SPON1: variants seen among roughly 807,000 people sequenced by gnomAD.
The protein encoded by SPON1 is spondin-1.
In SPON1, 52 loss-of-function variants were observed where a neutral mutation model predicts 111.7. The ratio of observed to expected loss-of-function variants is 0.47; its 90% CI spans 0.37 to 0.59. The LOEUF (loss-of-function observed/expected upper bound fraction) is 0.59. SPON1 is among the 20% of genes least tolerant of loss of function. The probability of loss-of-function intolerance (pLI) is 0.00; values close to 1 mark genes in which losing one functional copy is unlikely to be tolerated. For synonymous variants in SPON1, 410 were observed against 395.8 expected, an observed-to-expected ratio of 1.04 and a Z score of -0.43; for missense variants, 957 against 1,068.5, an observed-to-expected ratio of 0.90 and a Z score of 1.46.
intron 1 of SPON1, among the ~76,000 whole-genome samples, chr11:13,979,668 T>C (rs1485884607): frequency 1.3e-5 from 2 of 152,154 alleles, no homozygotes; most frequent in Non-Finnish European, 2.9e-5. Context: ...GGACCTTTCA[T>C]CTTAGGCAGA....
chr11:14,265,298 G>A lies in SPON1; in HGVS notation c.2261-226G>A, dbSNP rs148765465. On this transcript the variant is annotated intron_variant, in intron 15 of 15. Coordinates refer to ENST00000576479, the MANE Select transcript of SPON1 (RefSeq NM_006108.4). ...GTCAAGCCCAGATTCAAGAGGTGGAGAAACAGAGTCTGCCTTTTGATGAGA... is the reference window on the plus strand; with the variant it reads ...GTCAAGCCCAGATTCAAGAGGTGGAAAAACAGAGTCTGCCTTTTGATGAGA... 3.6e-4 allele frequency among the ~76,000 whole-genome samples: 55 copies of A among 152,190 alleles called. No homozygotes were observed. The East Asian group carries it at 0.01, about 29-fold the overall frequency.
chr11:14,076,033 A>G (rs1848915151), intron 4 of SPON1, among the ~76,000 whole-genome samples: 1 of 152,184 alleles, frequency 6.6e-6, no homozygotes, highest in Admixed American at 6.5e-5. Context: ...CCAGGTTCGG[A>G]TCTGCCTCTG....
At chr11:14,087,850 T>G (rs1849018696) in intron 5 of SPON1, among the ~76,000 whole-genome samples, 1 of 152,254 alleles carries the variant, frequency 6.6e-6, no homozygotes, top group South Asian at 2.1e-4. Context: ...ATATTTAGGA[T>G]AGTTAGCTCT....
rs146351708 is a variant in SPON1, at chr11:14,235,760, T to C, written c.826-7572T>C. Among the ~76,000 whole-genome samples the C allele has an allele frequency of 4.3e-5, 6 of 138,632 alleles. No homozygotes were observed. In the East Asian group the frequency reaches 1.1e-3, roughly 25 times the overall value. The allele number at this position is 138,632 out of a possible 152,430, so 90.9% of individuals were successfully genotyped here. A position where few individuals can be genotyped will look rare whatever the true frequency, so the allele number is the denominator to read the frequency against. ...AATGGCAAATGTTATGAAGAAAAGA[T>C]AGTGGGATAAAGGAATAGGGATGCT... On this transcript the variant is annotated intron_variant, in intron 6 of 15. Coordinates refer to ENST00000576479, the MANE Select transcript of SPON1 (RefSeq NM_006108.4).
rs1366877745 is a variant in SPON1, at chr11:14,077,525, C to T, written c.553+2107C>T. On this transcript the variant is annotated intron_variant, in intron 4 of 15. Coordinates refer to ENST00000576479, the MANE Select transcript of SPON1 (RefSeq NM_006108.4). ...TCGGCTCACTGCAACCTCCAACCCC[C>T]GGGTTCAGGCGATTCTCCTGCCTCA... Among the ~76,000 whole-genome samples, 6 of 151,852 alleles carry T rather than the reference C, an allele frequency of 4.0e-5. No individual in the cohort carries two copies. In the South Asian group the frequency reaches 6.2e-4, roughly 16 times the overall value.
intron 6 of SPON1, among the ~76,000 whole-genome samples, chr11:14,229,547 C>G (rs1554938431): frequency 6.6e-6 from 1 of 152,152 alleles, no homozygotes; most frequent in African/African-American, 2.4e-5. Flanking sequence ...CATTACTATT[C>G]ACCTGGCCCT....
chr11:14,135,223 C>G lies in SPON1; in HGVS notation c.677-197C>G, dbSNP rs1847577014. On this transcript the variant is annotated intron_variant, in intron 5 of 15. Coordinates refer to ENST00000576479, the MANE Select transcript of SPON1 (RefSeq NM_006108.4). The surrounding 1 kb of genome is among the most constrained non-coding windows in gnomAD (Gnocchi z 4.4). ...GTCTTGTTCAACATCTGCTGTTGACCTGTCTGTACATTCCCAAGACCTATT... is the reference window on the plus strand; with the variant it reads ...GTCTTGTTCAACATCTGCTGTTGACGTGTCTGTACATTCCCAAGACCTATT... 1 of 510,632 alleles carries G rather than the reference C, an allele frequency of 2.0e-6. No individual in the cohort carries two copies. The highest frequency in any genetic ancestry group is 3.4e-6 in the Non-Finnish European group (1 of 294,498). The allele number at this position is 510,632 out of a possible 1,614,324, so 31.6% of individuals were successfully genotyped here.
chr11:14,041,469 C>A, intron 2 of SPON1, 52 bp from the exon 3 acceptor site: 1 of 1,599,784 alleles, frequency 6.3e-7, no homozygotes, highest in Non-Finnish European at 8.5e-7. Context: ...GAAGCTTAAG[C>A]GCCCTCTCAA....
At chr11:14,122,465 G>A (rs555381689) in intron 5 of SPON1, among the ~76,000 whole-genome samples, 1 of 152,288 alleles carries the variant, frequency 6.6e-6, no homozygotes, top group South Asian at 2.1e-4. Flanking sequence ...GAGCCACTGT[G>A]CCCGGCCTGT....
chr11:14,128,211 CAA>C lies in SPON1; in HGVS notation c.677-7207_677-7206del, dbSNP rs1847483873. On this transcript the variant is annotated intron_variant, in intron 5 of 15. Coordinates refer to ENST00000576479, the MANE Select transcript of SPON1 (RefSeq NM_006108.4). ...CAGCACTAACTCAAAAGTCCAAGTC[CAA>C]AGTCTCATCTGAGACAAGGGAAGTC... 3.3e-5 allele frequency among the ~76,000 whole-genome samples: 5 copies of C among 152,298 alleles called. No homozygotes were observed. The South Asian group carries it at 1.0e-3, about 32-fold the overall frequency.
intron 5 of SPON1, among the ~76,000 whole-genome samples, chr11:14,117,800 C>A (rs189838554): frequency 6.6e-6 from 1 of 152,302 alleles, no homozygotes; most frequent in South Asian, 2.1e-4. Context: ...GCTTTCTCAA[C>A]GACAAACTAG....
At chr11:14,088,620 CT>C (rs1849025811) in intron 5 of SPON1, among the ~76,000 whole-genome samples, 1 of 151,532 alleles carries the variant, frequency 6.6e-6, no homozygotes, top group South Asian at 2.1e-4. Context: ...TGGGGTTGTT[CT>C]TCTCGGGGAG....
At chr11:13,984,747 A>G (rs1848169538) in intron 2 of SPON1, among the ~76,000 whole-genome samples, 1 of 152,194 alleles carries the variant, frequency 6.6e-6, no homozygotes, top group Non-Finnish European at 1.5e-5. Flanking sequence ...TCTGACTCAC[A>G]GTTGTTTCTG....
chr11:14,038,335 G>T (rs950181940), intron 2 of SPON1, among the ~76,000 whole-genome samples: 1 of 152,016 alleles, frequency 6.6e-6, no homozygotes, highest in Admixed American at 6.6e-5. Flanking sequence ...CAGACGTGGT[G>T]GTGGGCACCT....
intron 1 of SPON1, among the ~76,000 whole-genome samples, chr11:13,975,847 G>C (rs1385652133): frequency 6.6e-6 from 1 of 152,034 alleles, no homozygotes; most frequent in African/African-American, 2.4e-5. Flanking sequence ...ACACATTGTT[G>C]GGTAATCAGC....
intron 5 of SPON1, among the ~76,000 whole-genome samples, chr11:14,127,734 G>A (rs955196876): frequency 3.3e-5 from 5 of 152,228 alleles, no homozygotes; most frequent in African/African-American, 4.8e-5. Flanking sequence ...GTAAAGTCTC[G>A]TGTATTAGTC....
intron 3 of SPON1, among the ~76,000 whole-genome samples, chr11:14,070,483 G>C (rs1225719011): frequency 1.3e-5 from 2 of 152,150 alleles, no homozygotes; most frequent in East Asian, 1.9e-4. Context: ...TACTTATTAC[G>C]TGCCAGGTAC....
At chr11:14,160,510 T>A (rs1847907231) in intron 6 of SPON1, among the ~76,000 whole-genome samples, 1 of 13,632 alleles carries the variant, frequency 7.3e-5, no homozygotes, top group Non-Finnish European at 1.1e-4. Flanking sequence ...TATATATATT[T>A]ATATATATAT....
chr11:14,221,307 G>A (rs1345063650), intron 6 of SPON1, among the ~76,000 whole-genome samples: 7 of 152,070 alleles, frequency 4.6e-5, no homozygotes, highest in African/African-American at 1.4e-4. Flanking sequence ...TATTCTTCTC[G>A]AGAATTCAGA....
Sources: allele counts gnomAD v4.1 joint callset (sites outside exome capture counted in the v4.1 genomes callset), GRCh38; gene constraint gnomAD v4.1.1; non-coding constraint Gnocchi (gnomAD v3.1); transcripts MANE v1.5; gene names NCBI Gene and HGNC (gene_info 2026-07-23, HGNC 2026-07-21).